The following AP2A2 variants were observed in gnomAD, a reference collection of about 807,000 sequenced individuals.
AP2A2 encodes AP-2 complex subunit alpha-2.
AP2A2 carries 32 observed loss-of-function variants against 104.2 expected under a neutral mutation model. The observed-to-expected ratio is 0.31, with a 90% CI of 0.23 to 0.41. The LOEUF is 0.41. Among genes scored for constraint, AP2A2 ranks in the 10% least tolerant of loss-of-function variants. The pLI, the probability that AP2A2 is intolerant of heterozygous loss-of-function variation, is 1.00. For synonymous variants in AP2A2, 539 were observed against 533.3 expected (o/e 1.01, Z -0.15); for missense variants, 912 against 1,261.0 (o/e 0.72, Z 4.19).
At chr11:1,006,493 GGT>G in intron 16 of AP2A2, 33 bp from the exon 17 acceptor site, 3 of 1,423,904 alleles carry the variant, frequency 2.1e-6, no homozygotes, top group South Asian at 1.2e-5. Flanking sequence ...AGTGTGAAAT[GGT>G]GTGTGTGAAA....
At chr11:970,674 C>A (rs1463251433) in intron 3 of AP2A2, among the ~76,000 whole-genome samples, 1 of 152,266 alleles carries the variant, frequency 6.6e-6, no homozygotes, top group Non-Finnish European at 1.5e-5. Flanking sequence ...CGCGGCCCAG[C>A]GTTTGATGTG....
chr11:960,860 T>C (rs1475594595), intron 2 of AP2A2, among the ~76,000 whole-genome samples: 6 of 152,060 alleles, frequency 3.9e-5, no homozygotes, highest in Admixed American at 2.0e-4. Context: ...GGTTTCTCCA[T>C]GTTGGTCAGG....
chr11:991,258 C>T (rs1386368612), intron 10 of AP2A2, among the ~76,000 whole-genome samples: 1 of 152,268 alleles, frequency 6.6e-6, no homozygotes, highest in Non-Finnish European at 1.5e-5. Context: ...ATGGCCCACT[C>T]CCTGCCTACT....
chr11:981,484 T>G, intron 6 of AP2A2, 185 bp downstream of exon 6: 1 of 568,000 alleles, frequency 1.8e-6, no homozygotes. Flanking sequence ...CAGCTCCCTG[T>G]TCCCATGGTG....
intron 19 of AP2A2, 27 bp downstream of exon 19, chr11:1,009,243 CA>C (rs767726307): frequency 1.2e-5 from 19 of 1,609,434 alleles, no homozygotes; most frequent in Middle Eastern, 1.7e-4. Flanking sequence ...CTGTAGGGGT[CA>C]GGGGTGGGGA....
intron 16 of AP2A2, 130 bp downstream of exon 16, chr11:1,003,934 G>A (rs1000540235): frequency 1.9e-5 from 8 of 423,896 alleles, no homozygotes; most frequent in Middle Eastern, 7.9e-4. Flanking sequence ...AACTCAGTAA[G>A]AAAGCAGCCC....
chr11:934,986 G>A (rs537252477), intron 1 of AP2A2, among the ~76,000 whole-genome samples: 3 of 151,882 alleles, frequency 2.0e-5, no homozygotes, highest in African/African-American at 4.8e-5. Context: ...AGCCTCCGGA[G>A]TAGCTGGGAT....
At chr11:945,193 G>A (rs1853790632) in intron 1 of AP2A2, among the ~76,000 whole-genome samples, 1 of 152,144 alleles carries the variant, frequency 6.6e-6, no homozygotes, top group Non-Finnish European at 1.5e-5. Flanking sequence ...CATTGAGGGT[G>A]ACTCCTAGCG....
At chr11:940,809 G>A (rs977467761) in intron 1 of AP2A2, 2 of 456,196 alleles carry the variant, frequency 4.4e-6, no homozygotes, top group East Asian at 6.9e-5. Context: ...TTTGGCAGGG[G>A]CCTTCGCTGC....
At chr11:979,824 C>T (rs931309289) in intron 5 of AP2A2, among the ~76,000 whole-genome samples, 1 of 152,190 alleles carries the variant, frequency 6.6e-6, no homozygotes, top group Non-Finnish European at 1.5e-5. Context: ...GCTTCGGCCT[C>T]CCAAAGTGCT....
intron 9 of AP2A2, among the ~76,000 whole-genome samples, chr11:987,731 C>T (rs141893073): frequency 9.2e-5 from 14 of 152,268 alleles, no homozygotes; most frequent in Admixed American, 2.6e-4. Context: ...GTCTCCAGAG[C>T]GACCCCGAGG....
At chr11:974,453 GT>G (rs1344738110) in intron 4 of AP2A2, among the ~76,000 whole-genome samples, 2 of 152,216 alleles carry the variant, frequency 1.3e-5, no homozygotes, top group African/African-American at 4.8e-5. Flanking sequence ...GAAGGCCAAG[GT>G]GGGCGGGCCT....
chr11:962,826 T>G (rs1854486961), intron 2 of AP2A2, among the ~76,000 whole-genome samples: 1 of 152,100 alleles, frequency 6.6e-6, no homozygotes, highest in Non-Finnish European at 1.5e-5. Context: ...ATAGGGAAGG[T>G]GGCCCCTCCT....
intron 6 of AP2A2, among the ~76,000 whole-genome samples, 163 bp from the exon 7 acceptor site, chr11:984,482 G>A (rs1257231626): frequency 1.3e-5 from 2 of 152,162 alleles, no homozygotes; most frequent in Non-Finnish European, 2.9e-5. Flanking sequence ...CTCTCACGGC[G>A]AACCCAGGGG....
At chr11:1,004,234 A>C (rs1856124577) in intron 16 of AP2A2, among the ~76,000 whole-genome samples, 1 of 152,198 alleles carries the variant, frequency 6.6e-6, no homozygotes, top group African/African-American at 2.4e-5. Flanking sequence ...GCATGTTGGG[A>C]GGCCGAGGCA....
chr11:995,535 G>A (rs1855822944), intron 14 of AP2A2: 1 of 440,594 alleles, frequency 2.3e-6, no homozygotes, highest in South Asian at 1.6e-5. Context: ...GCTTTGTGGG[G>A]TGAGCTCCTG....
At chr11:989,429 C>T (rs1855574478) in intron 10 of AP2A2, among the ~76,000 whole-genome samples, 1 of 152,164 alleles carries the variant, frequency 6.6e-6, no homozygotes, top group Non-Finnish European at 1.5e-5. Flanking sequence ...GAGTGAGGCT[C>T]CAGCCGTCTG....
chr11:970,036 T>G, intron 2 of AP2A2, 133 bp from the exon 3 acceptor site: 1 of 907,454 alleles, frequency 1.1e-6, no homozygotes, highest in Non-Finnish European at 1.7e-6. Context: ...GCACTGCACC[T>G]GCCTGGGCCC....
intron 1 of AP2A2, among the ~76,000 whole-genome samples, chr11:926,638 A>G (rs773368179): frequency 7.9e-5 from 12 of 152,190 alleles, no homozygotes; most frequent in Non-Finnish European, 1.5e-4. Flanking sequence ...GTGTCTTCCC[A>G]GGAAACAGCT....
Sources: gnomAD v4.1 joint callset for allele counts (sites outside exome capture counted in the v4.1 genomes callset) on GRCh38, gnomAD v4.1.1 for gene constraint, MANE v1.5 for transcripts, NCBI Gene and HGNC (gene_info 2026-07-23, HGNC 2026-07-21) for gene names.